The following OSMR variants were observed in gnomAD, a reference collection of about 807,000 sequenced individuals.
OSMR encodes the protein oncostatin-M-specific receptor subunit beta.
A neutral mutation model predicts 99.9 loss-of-function variants in OSMR; 81 were observed. The observed-to-expected ratio is 0.81, with a 90% CI of 0.68 to 0.97. OSMR has a LOEUF of 0.97. Ranked by LOEUF, OSMR falls within the 50% of genes least tolerant of loss-of-function variation. The pLI, the probability that OSMR is intolerant of heterozygous loss-of-function variation, is 0.00. For missense variants in OSMR, 1,099 were observed against 1,153.4 expected (o/e 0.95, Z 0.68); for synonymous variants, 406 against 410.4 (o/e 0.99, Z 0.13).
intron 9 of OSMR, among the ~76,000 whole-genome samples, chr5:38,906,190 A>C (rs1237290440): frequency 6.7e-6 from 1 of 149,894 alleles, no homozygotes; most frequent in African/African-American, 2.5e-5. Flanking sequence ...TTGAAAATTT[A>C]TTCCAACATA....
intron 5 of OSMR, among the ~76,000 whole-genome samples, chr5:38,884,525 G>A (rs1743557137): frequency 6.6e-6 from 1 of 152,144 alleles, no homozygotes; most frequent in Admixed American, 6.5e-5. Context: ...GGCTGGGTGT[G>A]TCATCTCGCC....
At chr5:38,862,048 G>A (rs1289123127) in intron 1 of OSMR, among the ~76,000 whole-genome samples, 4 of 117,706 alleles carry the variant, frequency 3.4e-5, no homozygotes, top group Non-Finnish European at 5.5e-5. Flanking sequence ...AGGGGCGGCC[G>A]GGCAGAGGCG....
rs1047155667 is a variant in OSMR at position 38,908,922 on chromosome 5, C to T, written c.1285+4419C>T. ...TAGCATCCTAGCAATGGTTCTTAAC[C>T]TGTTCAAAATGACAGAATTAGAATT... On this transcript the variant is annotated intron_variant, in intron 9 of 17. Coordinates refer to ENST00000274276, the MANE Select transcript of OSMR (RefSeq NM_003999.3). Among the ~76,000 whole-genome samples the T allele has an allele frequency of 3.3e-5, 5 of 152,266 alleles. No individual in the cohort carries two copies. The East Asian group carries it at 7.7e-4, about 23-fold the overall frequency.
chr5:38,885,430 A>T lies in OSMR; in HGVS notation c.785A>T (p.Asp262Val). 6.2e-7 allele frequency: 1 copy of T among 1,614,044 alleles called. No individual in the cohort carries two copies. Among genetic ancestry groups the T allele is most frequent in the Non-Finnish European group, 8.5e-7 (1 of 1,179,890 alleles). ...CACTGTACTTGGGATCCTGGGACGGACACTGCCTTGGGGTGGTCTAAACAA... is the reference window on the plus strand; with the variant it reads ...CACTGTACTTGGGATCCTGGGACGGTCACTGCCTTGGGGTGGTCTAAACAA... ...TLHCTWDPGTDTALGWSKQPS... is the reference protein window; with the variant it reads ...TLHCTWDPGTVTALGWSKQPS... The change falls in exon 6 of 18, where the codon GAC (aspartate) becomes GTC (valine). Residue 262 changes from aspartate (D) to valine (V), a missense_variant. Physicochemically the swap from Asp to Val is radical, Grantham distance 152. Transcript: ENST00000274276.
intron 3 of OSMR, among the ~76,000 whole-genome samples, chr5:38,879,405 A>T (rs1743085249): frequency 2.0e-5 from 3 of 152,176 alleles, no homozygotes; most frequent in Admixed American, 2.0e-4. Context: ...CGCACAGCGG[A>T]ATGTGGTGGG....
chr5:38,867,454 A>C (rs932876763), intron 1 of OSMR, among the ~76,000 whole-genome samples: 1 of 152,246 alleles, frequency 6.6e-6, no homozygotes, highest in Non-Finnish European at 1.5e-5. Flanking sequence ...GGCTGGACAG[A>C]GGCAAAAATC....
chr5:38,880,110 C>A (rs76868731), intron 3 of OSMR, among the ~76,000 whole-genome samples: 2,736 of 152,176 alleles, frequency 0.018, 73 homozygotes, highest in African/African-American at 0.053. Flanking sequence ...TTAAATGCCC[C>A]CTGGGTGGAC....
chr5:38,929,425 C>T (rs1211182167), intron 15 of OSMR, among the ~76,000 whole-genome samples: 1 of 152,168 alleles, frequency 6.6e-6, no homozygotes, highest in East Asian at 1.9e-4. Context: ...GGACATTTGG[C>T]ACTACATTTC....
chr5:38,925,676 G>T (rs1245679305), intron 15 of OSMR, among the ~76,000 whole-genome samples: 1 of 152,180 alleles, frequency 6.6e-6, no homozygotes, highest in Non-Finnish European at 1.5e-5. Flanking sequence ...CCTGTATGTA[G>T]TTTGAAAACA....
intron 2 of OSMR, among the ~76,000 whole-genome samples, chr5:38,873,502 T>G (rs1049613712): frequency 6.6e-6 from 1 of 152,244 alleles, no homozygotes; most frequent in African/African-American, 2.4e-5. Flanking sequence ...TTTTTTGTTT[T>G]GAAGACAGGG....
chr5:38,861,591 A>C (rs1331490180), intron 1 of OSMR, among the ~76,000 whole-genome samples: 1 of 152,204 alleles, frequency 6.6e-6, no homozygotes, highest in Non-Finnish European at 1.5e-5. Context: ...TATTCCACAA[A>C]ACCGCCATTG....
At chr5:38,906,561 G>C (rs1381687248) in intron 9 of OSMR, among the ~76,000 whole-genome samples, 2 of 152,112 alleles carry the variant, frequency 1.3e-5, no homozygotes, top group South Asian at 4.1e-4. Flanking sequence ...TGAAGATTTT[G>C]CATTGAGCTT....
chr5:38,922,060 A>G (rs773609170), intron 12 of OSMR, among the ~76,000 whole-genome samples: 1 of 152,212 alleles, frequency 6.6e-6, no homozygotes, highest in Non-Finnish European at 1.5e-5. Context: ...ATAGTCTCGA[A>G]TGGCAGAAGG....
At chr5:38,857,428 A>G (rs182076191) in intron 1 of OSMR, among the ~76,000 whole-genome samples, 1 of 149,086 alleles carries the variant, frequency 6.7e-6, no homozygotes, top group Non-Finnish European at 1.5e-5. Flanking sequence ...TTATGACTAG[A>G]AACTATTTCC....
intron 7 of OSMR, among the ~76,000 whole-genome samples, chr5:38,895,447 A>ATGTC (rs1744445490): frequency 6.6e-6 from 1 of 152,088 alleles, no homozygotes; most frequent in Non-Finnish European, 1.5e-5. Context: ...CTTTTGAGAA[A>ATGTC]TGTCTATTCA....
chr5:38,856,842 A>G (rs1740893617), intron 1 of OSMR, among the ~76,000 whole-genome samples: 1 of 152,040 alleles, frequency 6.6e-6, no homozygotes. Context: ...GGATCTTGCT[A>G]TGTTGCCCAG....
At chr5:38,848,519 T>C (rs1740069286) in intron 1 of OSMR, among the ~76,000 whole-genome samples, 1 of 152,200 alleles carries the variant, frequency 6.6e-6, no homozygotes, top group African/African-American at 2.4e-5. Flanking sequence ...TCACTCAATA[T>C]AGAAGTGAAG....
intron 4 of OSMR, chr5:38,883,581 A>T (rs1309284490): frequency 2.6e-6 from 1 of 390,574 alleles, no homozygotes; most frequent in East Asian, 1.6e-4. Context: ...CAGAGTGGTA[A>T]TAGTAATGTG....
At chr5:38,915,899 A>C (rs1156297038) in intron 9 of OSMR, among the ~76,000 whole-genome samples, 1 of 152,224 alleles carries the variant, frequency 6.6e-6, no homozygotes, top group African/African-American at 2.4e-5. Flanking sequence ...GAATGACATC[A>C]ATACCTGTGA....
Sources: gnomAD v4.1 joint callset for allele counts (sites outside exome capture counted in the v4.1 genomes callset) on GRCh38, gnomAD v4.1.1 for gene constraint, MANE v1.5 for transcripts, NCBI Gene and HGNC (gene_info 2026-07-23, HGNC 2026-07-21) for gene names.